FBLN7: variants seen among roughly 807,000 people sequenced by gnomAD.
The protein encoded by FBLN7 is fibulin 7.
In FBLN7, 31 loss-of-function variants were observed where a neutral mutation model predicts 44.0. The ratio of observed to expected loss-of-function variants is 0.70; its 90% CI spans 0.53 to 0.95. The LOEUF (loss-of-function observed/expected upper bound fraction) is 0.95, where lower values mean the gene tolerates loss of function less well. FBLN7 is among the 40% of genes least tolerant of loss of function. The pLI is 0.00. For synonymous variants in FBLN7, 262 were observed against 253.4 expected (o/e 1.03, Z -0.32); for missense variants, 573 against 618.5 (o/e 0.93, Z 0.78).
At chr2:112,207,648 A>G in the FBLN7 span, among the ~76,000 whole-genome samples, 2 of 152,074 alleles carry the variant, frequency 1.3e-5, no homozygotes, top group African/African-American at 2.4e-5. Context: ...AAATTTGTCT[A>G]TTTCTTGTCT....
In FBLN7 at chr2:112,159,673, C is replaced by A. The variant is rs1237113120; in HGVS notation, c.76-3C>A. On this transcript the variant is annotated splice_region_variant and splice_polypyrimidine_tract_variant and intron_variant, in intron 1 of 7. Coordinates refer to ENST00000331203, the MANE Select transcript of FBLN7 (RefSeq NM_153214.3). ...TGGTGGCGGCGATGTCTTCTCTCCG[C>A]AGAACTGTCTCAGCAAACAGCAGCT... The A allele has an allele frequency of 6.5e-7, 1 of 1,543,358 alleles. No individual in the cohort carries two copies. Among genetic ancestry groups the A allele is most frequent in the Admixed American group, 1.9e-5 (1 of 51,602 alleles).
chr2:112,169,727 A>G (rs1682351418), intron 3 of FBLN7, among the ~76,000 whole-genome samples: 1 of 152,126 alleles, frequency 6.6e-6, no homozygotes, highest in South Asian at 2.1e-4. Context: ...CTAAGAGGGG[A>G]GGCAAAGCAA....
chr2:112,164,506 G>A (rs939834980), intron 2 of FBLN7, among the ~76,000 whole-genome samples: 2 of 152,168 alleles, frequency 1.3e-5, no homozygotes, highest in African/African-American at 4.8e-5. Flanking sequence ...GGGAACACGC[G>A]GGGAGGTGGT....
the FBLN7 span, among the ~76,000 whole-genome samples, chr2:112,199,687 G>C: frequency 6.6e-6 from 1 of 152,152 alleles, no homozygotes; most frequent in Admixed American, 6.5e-5. Context: ...GCCCCCAAAT[G>C]TTCATGTGTT....
intron 5 of FBLN7, 144 bp downstream of exon 5, chr2:112,182,020 T>A: frequency 9.6e-7 from 1 of 1,040,288 alleles, no homozygotes; most frequent in Non-Finnish European, 1.3e-6. Flanking sequence ...GCATTATAGG[T>A]AAGTGTTGAC....
chr2:112,167,869 C>CGTTATGTTATGTTATTTAT (rs60665286), intron 3 of FBLN7, among the ~76,000 whole-genome samples: 16,168 of 132,824 alleles, frequency 0.12, 1,351 homozygotes, highest in African/African-American at 0.18. Context: ...AGGAAAGACA[C>CGTTATGTTATGTTATTTAT]GTTATGTTAT....
At chr2:112,181,963 G>C (rs780439125) in intron 5 of FBLN7, 87 bp downstream of exon 5, 25 of 1,444,422 alleles carry the variant, frequency 1.7e-5, no homozygotes, top group Non-Finnish European at 2.2e-5. Context: ...CCCTCCTGCC[G>C]GCACGGGTGG....
the FBLN7 span, chr2:112,233,289 G>T: frequency 5.0e-6 from 8 of 1,597,136 alleles, no homozygotes; most frequent in Non-Finnish European, 6.8e-6. Flanking sequence ...TTCACCTCTG[G>T]TACAATATCC....
intron 7 of FBLN7, among the ~76,000 whole-genome samples, chr2:112,186,549 A>G (rs1683277706): frequency 6.6e-6 from 1 of 152,196 alleles, no homozygotes; most frequent in Admixed American, 6.5e-5. Flanking sequence ...CTGAGACAGG[A>G]GAATCACTTG....
the FBLN7 span, among the ~76,000 whole-genome samples, chr2:112,232,733 C>G: frequency 3.3e-5 from 5 of 151,968 alleles, no homozygotes; most frequent in Admixed American, 1.3e-4. Flanking sequence ...ATATTGAATG[C>G]CTGAAGAAAA....
chr2:112,156,456 CTT>C (rs1398543546), intron 1 of FBLN7, among the ~76,000 whole-genome samples: 1 of 152,206 alleles, frequency 6.6e-6, no homozygotes, highest in Middle Eastern at 3.2e-3. Context: ...CGAAGAAGCT[CTT>C]TGTAGACTGA....
intron 2 of FBLN7, among the ~76,000 whole-genome samples, chr2:112,160,693 C>T (rs1231757159): frequency 8.6e-6 from 1 of 115,970 alleles, no homozygotes; most frequent in African/African-American, 3.5e-5. Context: ...CACGCACACG[C>T]ACACACGCAC....
chr2:112,203,207 G>A, the FBLN7 span, among the ~76,000 whole-genome samples: 1 of 152,136 alleles, frequency 6.6e-6, no homozygotes, highest in Admixed American at 6.5e-5. Context: ...GCCAGCTTGA[G>A]GTACTTCTCA....
the FBLN7 span, among the ~76,000 whole-genome samples, chr2:112,229,475 T>A: frequency 2.6e-5 from 4 of 152,230 alleles, no homozygotes; most frequent in African/African-American, 9.6e-5. Context: ...CAATGGGTTA[T>A]AAGTAAATGT....
chr2:112,193,663 G>A, the FBLN7 span, among the ~76,000 whole-genome samples: 1 of 152,234 alleles, frequency 6.6e-6, no homozygotes, highest in African/African-American at 2.4e-5. Flanking sequence ...AGGGCCAAAT[G>A]TATATCATCC....
the FBLN7 span, among the ~76,000 whole-genome samples, chr2:112,205,981 G>T: frequency 6.6e-6 from 1 of 152,090 alleles, no homozygotes; most frequent in Admixed American, 6.6e-5. Flanking sequence ...GGTAGAATTT[G>T]CCAGTGAAAA....
At chr2:112,206,171 T>C in the FBLN7 span, among the ~76,000 whole-genome samples, 7 of 152,220 alleles carry the variant, frequency 4.6e-5, no homozygotes, top group Non-Finnish European at 1.5e-5. Flanking sequence ...TAGCTGTTTG[T>C]AGTATTCTCT....
chr2:112,156,446 C>A (rs1224926799), intron 1 of FBLN7, among the ~76,000 whole-genome samples: 1 of 152,156 alleles, frequency 6.6e-6, no homozygotes, highest in African/African-American at 2.4e-5. Context: ...TTTGTTACAG[C>A]GAAGAAGCTC....
downstream of FBLN7, among the ~76,000 whole-genome samples, chr2:112,191,414 G>T (rs918522178): frequency 2.6e-5 from 4 of 152,148 alleles, no homozygotes. Context: ...GTCCTCAAGT[G>T]GTCTGCCCGC....
Sources: allele counts gnomAD v4.1 joint callset (sites outside exome capture counted in the v4.1 genomes callset), GRCh38; gene constraint gnomAD v4.1.1; transcripts MANE v1.5; gene names NCBI Gene and HGNC (gene_info 2026-07-23, HGNC 2026-07-21).